WDFY3: variants seen among roughly 807,000 people sequenced by gnomAD.
WDFY3 encodes WD repeat and FYVE domain-containing protein 3.
A neutral mutation model predicts 409.6 loss-of-function variants in WDFY3; 66 were observed. That is an observed-to-expected ratio of 0.16 (90% CI 0.13 to 0.20). WDFY3 has a LOEUF of 0.20. Ranked by LOEUF, WDFY3 falls within the 10% of genes least tolerant of loss-of-function variation. The probability of loss-of-function intolerance (pLI) is 1.00; values close to 1 mark genes in which losing one functional copy is unlikely to be tolerated. For synonymous variants in WDFY3, 1,521 were observed against 1,537.1 expected, an observed-to-expected ratio of 0.99 and a Z score of 0.25; for missense variants, 3,031 against 4,298.1, an observed-to-expected ratio of 0.71 and a Z score of 8.24.
intron 5 of WDFY3, among the ~76,000 whole-genome samples, chr4:84,842,487 AAAG>A: frequency 6.7e-6 from 1 of 148,562 alleles, no homozygotes; most frequent in South Asian, 2.2e-4. Flanking sequence ...AAAAAAAAAA[AAAG>A]AAGTAAGTCT....
intron 17 of WDFY3, 124 bp downstream of exon 17, chr4:84,801,526 T>C: frequency 1.1e-6 from 1 of 942,712 alleles, no homozygotes. Flanking sequence ...TTTGTCCATT[T>C]TTGTTATATT....
Position 84,778,511 on chromosome 4 carries a change from C to G in WDFY3, c.4510G>C (p.Asp1504His), listed in dbSNP as rs1745938285. ...TATGCTTATATACATACTTCAAAAT[C>G]ACAGAGGAGGTCCTGGAAAGCAGTT... ...NSTAFQDLLC[D>H]FEVWLHAPYE... is the part of the protein sequence containing the mutation. The change falls in exon 27 of 68, where the codon GAT becomes CAT. Residue 1504 changes from aspartate to histidine, a missense_variant. Transcript: ENST00000295888. 6.3e-7 allele frequency: 1 copy of G among 1,599,096 alleles called. No homozygotes were observed. Among genetic ancestry groups the G allele is most frequent in the Non-Finnish European group, 8.5e-7 (1 of 1,174,824 alleles).
At position 84,951,142 on chromosome 4, in the gene WDFY3, G is replaced by A. The variant is rs76202117; in HGVS notation, c.-226+15067C>T. Among the ~76,000 whole-genome samples the A allele has an allele frequency of 3.0e-3, 453 of 152,276 alleles. 23 individuals are homozygous for A. In the East Asian group the frequency reaches 0.077, roughly 26 times the overall value. On this transcript the variant is annotated intron_variant, in intron 1 of 67. Transcript: ENST00000295888. ...TCCTATGACCCTTTCCTCACAGGATGCTTAATATTTATCTTTTAAAAGTCC... is the reference window on the plus strand; with the variant it reads ...TCCTATGACCCTTTCCTCACAGGATACTTAATATTTATCTTTTAAAAGTCC...
intron 65 of WDFY3, 64 bp downstream of exon 65, chr4:84,678,855 C>T: frequency 6.5e-7 from 1 of 1,532,010 alleles, no homozygotes; most frequent in Non-Finnish European, 8.8e-7. Flanking sequence ...ACCCCACTGC[C>T]TCAATCCACC....
chr4:84,748,444 ATATATT>A (rs2149276066), intron 36 of WDFY3, among the ~76,000 whole-genome samples: 1 of 152,310 alleles, frequency 6.6e-6, no homozygotes, highest in East Asian at 1.9e-4. Context: ...GGTGATGTAC[ATATATT>A]TAATCCTCAC....
At position 84,740,567 on chromosome 4, in the gene WDFY3, T is replaced by C. The variant is rs1308522997; in HGVS notation, c.6235-151A>G. 4.0e-5 allele frequency: 28 copies of C among 704,450 alleles called. 1 individual carries two copies. In the East Asian group the frequency reaches 6.3e-4, roughly 16 times the overall value. The allele number at this position is 704,450 out of a possible 1,614,324, so 43.6% of individuals were successfully genotyped here. On this transcript the variant is annotated intron_variant, in intron 38 of 67. Coordinates refer to ENST00000295888, the MANE Select transcript of WDFY3 (RefSeq NM_014991.6). ...GTTAAAAGATACAAAGCTCTTACTA[T>C]TATGGATTTCAGAACCCATGAGACA...
Position 84,850,464 on chromosome 4 carries a change from A to C in WDFY3, c.181-439T>G, listed in dbSNP as rs370237024. ...GCCAAGTAGCTGGGACTACAGGTGCATGCCATCATGCCTGGCTAATTTTTG... is the reference window on the plus strand; with the variant it reads ...GCCAAGTAGCTGGGACTACAGGTGCCTGCCATCATGCCTGGCTAATTTTTG... On this transcript the variant is annotated intron_variant, in intron 4 of 67. Transcript: ENST00000295888. Among the ~76,000 whole-genome samples the C allele has an allele frequency of 1.2e-4, 18 of 152,016 alleles. No homozygotes were observed. In the East Asian group the frequency reaches 3.1e-3, roughly 26 times the overall value.
intron 2 of WDFY3, among the ~76,000 whole-genome samples, chr4:84,917,872 CA>C (rs1389350568): frequency 1.3e-5 from 2 of 151,786 alleles, no homozygotes; most frequent in Non-Finnish European, 2.9e-5. Context: ...TTAAAAAGAC[CA>C]AAACTCCTAG....
chr4:84,698,060 C>T (rs1459843412), intron 56 of WDFY3, among the ~76,000 whole-genome samples: 2 of 152,086 alleles, frequency 1.3e-5, no homozygotes. Context: ...TGCACGCTGT[C>T]TGTTGAATCT....
chr4:84,867,639 T>C (rs1338428616), intron 3 of WDFY3, among the ~76,000 whole-genome samples: 10 of 152,212 alleles, frequency 6.6e-5, no homozygotes, highest in African/African-American at 2.4e-4. Context: ...CCCAAAATCA[T>C]TTAAACAGTT....
chr4:84,795,559 C>T (rs1350782351), intron 19 of WDFY3, among the ~76,000 whole-genome samples: 2 of 152,132 alleles, frequency 1.3e-5, no homozygotes, highest in African/African-American at 4.8e-5. Context: ...GTCGGGAGTT[C>T]GAGACCAGCC....
Position 84,743,741 on chromosome 4 carries a change from T to C in WDFY3, c.6032A>G (p.Asp2011Gly), listed in dbSNP as rs1738850298. The C allele has an allele frequency of 5.6e-6, 9 of 1,597,638 alleles. No homozygotes were observed. Among genetic ancestry groups the C allele is most frequent in the Non-Finnish European group, 7.7e-6 (9 of 1,169,790 alleles). Residue 2011 changes from aspartate (D) to glycine (G), a missense_variant, in exon 37 of 68, where the codon GAT (aspartate) becomes GGT (glycine). Around this residue, in one of 16 missense-constraint regions of WDFY3, gnomAD observed 314 missense variants for 397.4 expected, o/e 0.79. Transcript: ENST00000295888. The part of the protein sequence containing the change: ...QQKEFQTYIL[D>G]SVMDHLLAAD... ...TGCAAGCAAATGGTCCATCACGCTATCCAAAATGTAAGTTTGAAATTCTTT... is the reference window on the plus strand; with the variant it reads ...TGCAAGCAAATGGTCCATCACGCTACCCAAAATGTAAGTTTGAAATTCTTT...
intron 25 of WDFY3, 110 bp downstream of exon 25, chr4:84,782,853 G>A (rs1217495579): frequency 2.3e-6 from 2 of 862,366 alleles, no homozygotes; most frequent in Non-Finnish European, 1.9e-6. Context: ...TACACTATAG[G>A]TCAGTGCTAT....
chr4:84,927,702 C>T (rs550857305), intron 2 of WDFY3, among the ~76,000 whole-genome samples: 31 of 152,102 alleles, frequency 2.0e-4, no homozygotes, highest in Non-Finnish European at 4.0e-4. Flanking sequence ...CTGGCATTTC[C>T]TCTGCTGGCA....
chr4:84,718,227 A>G (rs907127214), intron 48 of WDFY3, among the ~76,000 whole-genome samples, 195 bp downstream of exon 48: 2 of 152,126 alleles, frequency 1.3e-5, no homozygotes, highest in African/African-American at 4.8e-5. Flanking sequence ...TCATCTTGAT[A>G]AATAAGCCAA....
At chr4:84,792,344 T>A (rs1015289581) in intron 21 of WDFY3, among the ~76,000 whole-genome samples, 1 of 152,200 alleles carries the variant, frequency 6.6e-6, no homozygotes, top group African/African-American at 2.4e-5. Context: ...TATGGACCAA[T>A]GGAGGTGAAA....
chr4:84,894,947 CAAA>C (rs70943381), intron 3 of WDFY3, among the ~76,000 whole-genome samples: 1 of 98,844 alleles, frequency 1.0e-5, no homozygotes, highest in Non-Finnish European at 2.0e-5. Context: ...GAGACTGTCT[CAAA>C]AAAAAAAAAA....
intron 35 of WDFY3, 119 bp from the exon 36 acceptor site, chr4:84,751,835 C>T: frequency 3.0e-6 from 3 of 1,014,748 alleles, no homozygotes; most frequent in African/African-American, 1.6e-5. Context: ...CTATTCAGCA[C>T]ATTATTTCAC....
intron 1 of WDFY3, among the ~76,000 whole-genome samples, chr4:84,943,771 C>G (rs1430997079): frequency 6.6e-6 from 1 of 152,070 alleles, no homozygotes; most frequent in Non-Finnish European, 1.5e-5. Flanking sequence ...TAGTAAATAG[C>G]CTAAGGGTGA....
Sources: gnomAD v4.1 joint callset for allele counts (sites outside exome capture counted in the v4.1 genomes callset) on GRCh38, gnomAD v4.1.1 for gene constraint, gnomAD v4.1.1 regional missense constraint, MANE v1.5 for transcripts, NCBI Gene and HGNC (gene_info 2026-07-23, HGNC 2026-07-21) for gene names.